The following CTNNA3 variants were observed in gnomAD, a reference collection of about 807,000 sequenced individuals.
The protein encoded by CTNNA3 is catenin alpha-3.
A neutral mutation model predicts 95.7 loss-of-function variants in CTNNA3; 76 were observed. That is an observed-to-expected ratio of 0.79 (90% CI 0.66 to 0.96). The LOEUF is 0.96. CTNNA3 is among the 40% of genes least tolerant of loss of function. CTNNA3 has a pLI of 0.00. For synonymous variants in CTNNA3, 431 were observed against 374.4 expected, an observed-to-expected ratio of 1.15 and a Z score of -1.74; for missense variants, 1,191 against 1,089.8, an observed-to-expected ratio of 1.09 and a Z score of -1.31.
At chr10:66,043,553 C>G (rs1041598490) in intron 15 of CTNNA3, among the ~76,000 whole-genome samples, 11 of 152,138 alleles carry the variant, frequency 7.2e-5, no homozygotes, top group African/African-American at 2.7e-4. Flanking sequence ...CTTTAAAAGA[C>G]TACCAGTCCC....
chr10:66,753,614 A>T (rs1289832313), intron 9 of CTNNA3, among the ~76,000 whole-genome samples: 3 of 151,824 alleles, frequency 2.0e-5, no homozygotes, highest in Admixed American at 6.6e-5. Context: ...GTGAGCCGAG[A>T]TTGCACCATT....
chr10:66,537,960 C>T (rs1395970779), intron 10 of CTNNA3, among the ~76,000 whole-genome samples: 1 of 152,100 alleles, frequency 6.6e-6, no homozygotes, highest in Non-Finnish European at 1.5e-5. Flanking sequence ...CAGAGCATAT[C>T]ACAAAGTTAT....
rs562459302 is a variant in CTNNA3, at chr10:67,351,500, T to A, written c.580-131630A>T. Among the ~76,000 whole-genome samples, 7 of 152,048 alleles carry A rather than the reference T, an allele frequency of 4.6e-5. No homozygotes were observed. The East Asian group carries it at 1.4e-3, about 29-fold the overall frequency. ...AAAAAAGATAATGTAACTGAGTATT[T>A]AAACAAAAAACCAAGCTATAATTTT... is the stretch of plus-strand genomic sequence containing the variant. On this transcript the variant is annotated intron_variant, in intron 5 of 17. Transcript: ENST00000433211.
At position 66,722,232 on chromosome 10, in the gene CTNNA3, G is replaced by T. The variant is rs186502815; in HGVS notation, c.1281+44032C>A. Among the ~76,000 whole-genome samples, 1,098 of 152,152 alleles carry T rather than the reference G, an allele frequency of 7.2e-3. 15 individuals are homozygous for T. Among genetic ancestry groups the T allele is most frequent in the East Asian group, 7.4e-3 (38 of 5,154 alleles). On this transcript the variant is annotated intron_variant, in intron 9 of 17. Coordinates refer to ENST00000433211, the MANE Select transcript of CTNNA3 (RefSeq NM_013266.4). ...TCTCTACTAAAAATACAAAAAATTA[G>T]CCGGGCGTGGTGGCAGGTGCCTGTA... is the stretch of plus-strand genomic sequence containing the variant.
intron 15 of CTNNA3, among the ~76,000 whole-genome samples, chr10:66,002,390 A>G (rs751289086): frequency 4.6e-5 from 7 of 152,330 alleles, no homozygotes; most frequent in Non-Finnish European, 8.8e-5. Flanking sequence ...AGTATCCTGA[A>G]GAACTTTTGG....
chr10:65,943,048 T>A (rs997069130), intron 17 of CTNNA3, among the ~76,000 whole-genome samples: 8 of 151,770 alleles, frequency 5.3e-5, no homozygotes, highest in Non-Finnish European at 1.2e-4. Context: ...TTGATAATAG[T>A]TATGTCTTTT....
chr10:66,515,645 A>G (rs1249395947), intron 11 of CTNNA3, among the ~76,000 whole-genome samples: 2 of 152,082 alleles, frequency 1.3e-5, no homozygotes, highest in Non-Finnish European at 2.9e-5. Context: ...CCACATGGCT[A>G]GGGAGGCCTC....
chr10:67,075,515 A>T (rs559810437), intron 7 of CTNNA3, among the ~76,000 whole-genome samples: 2 of 152,288 alleles, frequency 1.3e-5, no homozygotes, highest in African/African-American at 4.8e-5. Flanking sequence ...AATACTTAAG[A>T]TTCTCCAACG....
intron 11 of CTNNA3, among the ~76,000 whole-genome samples, chr10:66,488,221 A>T (rs1839805269): frequency 6.6e-6 from 1 of 152,188 alleles, no homozygotes; most frequent in Admixed American, 6.5e-5. Context: ...AAATCACTTG[A>T]AATAACTATA....
At position 67,219,938 on chromosome 10, in the gene CTNNA3, C is replaced by T. The variant is rs150900657; in HGVS notation, c.580-68G>A. ...TGGGAGAAAGACTTAAATTAAAAAGCTTCTTTTTTTGTAAGTATAAATGAA... is the reference window on the plus strand; with the variant it reads ...TGGGAGAAAGACTTAAATTAAAAAGTTTCTTTTTTTGTAAGTATAAATGAA... On this transcript the variant is annotated intron_variant, in intron 5 of 17. Coordinates refer to ENST00000433211, the MANE Select transcript of CTNNA3 (RefSeq NM_013266.4). The T allele has an allele frequency of 4.1e-4, 533 of 1,295,554 alleles. 3 individuals carry two copies. The African/African-American group carries it at 7.4e-3, about 18-fold the overall frequency. 80.3% of individuals were successfully genotyped at this position (1,295,554 alleles called of 1,614,324 possible).
At chr10:66,990,673 C>T (rs1850992857) in intron 7 of CTNNA3, among the ~76,000 whole-genome samples, 1 of 152,116 alleles carries the variant, frequency 6.6e-6, no homozygotes, top group South Asian at 2.1e-4. Flanking sequence ...TTTCTCTACA[C>T]CATGTGGATA....
At chr10:67,436,621 A>G (rs1846309650) in intron 5 of CTNNA3, among the ~76,000 whole-genome samples, 1 of 152,072 alleles carries the variant, frequency 6.6e-6, no homozygotes. Flanking sequence ...CAAACAAATC[A>G]ATAAGAAAAA....
intron 10 of CTNNA3, among the ~76,000 whole-genome samples, chr10:66,558,055 T>C (rs1842445389): frequency 1.3e-5 from 2 of 152,234 alleles, no homozygotes; most frequent in South Asian, 4.1e-4. Flanking sequence ...TGGTCAGTGA[T>C]ACTGGAATGC....
At chr10:66,910,927 A>C (rs1382970502) in intron 7 of CTNNA3, among the ~76,000 whole-genome samples, 5 of 152,236 alleles carry the variant, frequency 3.3e-5, no homozygotes, top group Admixed American at 3.3e-4. Flanking sequence ...AATTTTAGAT[A>C]GTATATTGGG....
intron 5 of CTNNA3, among the ~76,000 whole-genome samples, chr10:67,398,589 T>C (rs1313965221): frequency 6.6e-6 from 1 of 152,178 alleles, no homozygotes; most frequent in African/African-American, 2.4e-5. Context: ...GAAGGCATGA[T>C]TGTGTTTTAA....
chr10:66,629,229 G>A (rs1845046804), intron 9 of CTNNA3, among the ~76,000 whole-genome samples: 1 of 152,016 alleles, frequency 6.6e-6, no homozygotes, highest in African/African-American at 2.4e-5. Context: ...GTCAAATGAT[G>A]ATGGTTAAAC....
chr10:66,926,476 G>A, intron 7 of CTNNA3: 1 of 1,287,224 alleles, frequency 7.8e-7, no homozygotes, highest in Non-Finnish European at 1.1e-6. Context: ...TTCTTCCTGG[G>A]TGTCAGCGAG....
rs1185437935 is a variant in CTNNA3 at position 66,380,627 on chromosome 10, A to ATC, written c.1532-1276_1532-1275insGA. Among the ~76,000 whole-genome samples, 383 of 87,060 alleles carry ATC rather than the reference A, an allele frequency of 4.4e-3. 1 individual carries two copies. Among genetic ancestry groups the ATC allele is most frequent in the East Asian group, 0.018 (29 of 1,596 alleles). 57.1% of individuals were successfully genotyped at this position (87,060 alleles called of 152,430 possible). A position where few individuals can be genotyped will look rare whatever the true frequency, so the allele number is the denominator to read the frequency against. On this transcript the variant is annotated intron_variant, in intron 11 of 17. Transcript: ENST00000433211. ...TATCTATCTATCTATCTATCTATCT[A>ATC]TATATATATATATATTAAATTAATT...
At chr10:67,284,594 A>G (rs1839521686) in intron 5 of CTNNA3, among the ~76,000 whole-genome samples, 1 of 152,222 alleles carries the variant, frequency 6.6e-6, no homozygotes, top group African/African-American at 2.4e-5. Context: ...TTAATTGAAC[A>G]AAGTCTAATT....
Sources: gnomAD v4.1 joint callset for allele counts (sites outside exome capture counted in the v4.1 genomes callset) on GRCh38, gnomAD v4.1.1 for gene constraint, MANE v1.5 for transcripts, NCBI Gene and HGNC (gene_info 2026-07-23, HGNC 2026-07-21) for gene names.